CDH13: variants seen among roughly 807,000 people sequenced by gnomAD.
CDH13 encodes the protein cadherin 13.
CDH13 carries 24 observed loss-of-function variants against 63.8 expected under a neutral mutation model. The ratio of observed to expected loss-of-function variants is 0.38; its 90% confidence interval spans 0.27 to 0.53. The LOEUF is 0.53. CDH13 is among the 20% of genes least tolerant of loss of function. The pLI is 0.85. For missense variants in CDH13, 1,049 were observed against 903.1 expected (o/e 1.16, Z -2.07); for synonymous variants, 503 against 355.3 (o/e 1.42, Z -4.67).
intron 5 of CDH13, among the ~76,000 whole-genome samples, chr16:83,287,476 G>A (rs2089347935): frequency 6.6e-6 from 1 of 152,112 alleles, no homozygotes; most frequent in Non-Finnish European, 1.5e-5. Context: ...GTCAGATCAG[G>A]GGCAGCATTA....
At chr16:83,216,777 A>G (rs961997047) in intron 4 of CDH13, among the ~76,000 whole-genome samples, 1 of 150,002 alleles carries the variant, frequency 6.7e-6, no homozygotes, top group African/African-American at 2.4e-5. Context: ...TACATATTAT[A>G]TATATAAGCC....
At chr16:82,856,999 A>C (rs2039729433) in intron 1 of CDH13, among the ~76,000 whole-genome samples, 1 of 152,192 alleles carries the variant, frequency 6.6e-6, no homozygotes, top group South Asian at 2.1e-4. Flanking sequence ...CTCTTCTGGC[A>C]CTATGCTCAG....
intron 1 of CDH13, among the ~76,000 whole-genome samples, chr16:82,791,389 A>G (rs1209516015): frequency 1.3e-5 from 2 of 152,228 alleles, no homozygotes. Context: ...AGCAGGAGGT[A>G]AAGAAGTAGT....
At chr16:83,215,983 GA>G (rs1192443193) in intron 4 of CDH13, among the ~76,000 whole-genome samples, 2 of 149,404 alleles carry the variant, frequency 1.3e-5, no homozygotes, top group Non-Finnish European at 3.0e-5. Flanking sequence ...TACATAAAAA[GA>G]CCACCCCCCA....
At chr16:83,368,887 TATATATATATATATATATATATATATATA>T (rs2091306352) in intron 6 of CDH13, among the ~76,000 whole-genome samples, 533 of 37,992 alleles carry the variant, frequency 0.014, 42 homozygotes, top group Middle Eastern at 0.045. Flanking sequence ...TTCCATGTTA[TATATATATATATATATATATATATATATA>T]TATATATATA....
intron 6 of CDH13, among the ~76,000 whole-genome samples, chr16:83,405,626 C>T (rs1449054860): frequency 6.6e-6 from 1 of 152,212 alleles, no homozygotes; most frequent in African/African-American, 2.4e-5. Context: ...TTGTTTTAAG[C>T]CACCAAATCT....
At chr16:83,137,346 C>G (rs1037419255) in intron 4 of CDH13, among the ~76,000 whole-genome samples, 1 of 152,142 alleles carries the variant, frequency 6.6e-6, no homozygotes, top group Non-Finnish European at 1.5e-5. Flanking sequence ...AGCAATTGTC[C>G]CAGTTCTACC....
intron 2 of CDH13, among the ~76,000 whole-genome samples, chr16:82,894,984 C>T (rs1157113972): frequency 6.6e-6 from 1 of 152,088 alleles, no homozygotes; most frequent in Non-Finnish European, 1.5e-5. Flanking sequence ...TCTTGTGGGG[C>T]CTTTTATGCC....
At chr16:83,185,312 A>T (rs1030414849) in intron 4 of CDH13, among the ~76,000 whole-genome samples, 4 of 152,148 alleles carry the variant, frequency 2.6e-5, no homozygotes. Context: ...AACTCCAAAG[A>T]TTTTTGCTAT....
Position 83,057,111 on chromosome 16 carries a change from C to T in CDH13, c.366+24893C>T, listed in dbSNP as rs1419775045. ...CCTCCTAAGTAGCTGGGATTACAGG[C>T]ACGTGCCACCACACCCAGCTAATTT... On this transcript the variant is annotated intron_variant, in intron 3 of 13. Transcript: ENST00000567109. Among the ~76,000 whole-genome samples, 4 of 152,120 alleles carry T rather than the reference C, an allele frequency of 2.6e-5. No homozygotes were observed. In the South Asian group the frequency reaches 6.2e-4, roughly 24 times the overall value.
chr16:83,744,551 T>C (rs1041357031), intron 10 of CDH13, among the ~76,000 whole-genome samples: 1 of 152,210 alleles, frequency 6.6e-6, no homozygotes, highest in African/African-American at 2.4e-5. Context: ...AGTTGCAGCA[T>C]CAAAACATTG....
chr16:83,231,087 CGGAACAGGGAAGA>C (rs2039988672), intron 5 of CDH13, among the ~76,000 whole-genome samples: 1 of 152,030 alleles, frequency 6.6e-6, no homozygotes, highest in African/African-American at 2.4e-5. Flanking sequence ...GTGCTAGGAT[CGGAACAGGGAAGA>C]CACATGGAAA....
At chr16:83,693,848 G>A (rs1032052818) in intron 10 of CDH13, among the ~76,000 whole-genome samples, 2 of 152,214 alleles carry the variant, frequency 1.3e-5, no homozygotes, top group Admixed American at 6.5e-5. Flanking sequence ...GCTCTGCAAA[G>A]TACCTCACAC....
intron 2 of CDH13, among the ~76,000 whole-genome samples, chr16:82,898,636 C>T (rs185851309): frequency 2.7e-3 from 407 of 152,218 alleles, no homozygotes; most frequent in African/African-American, 7.1e-3. Context: ...TCACAGAGCC[C>T]GGAGCAAATG....
At chr16:83,624,754 G>C (rs1223280034) in intron 8 of CDH13, among the ~76,000 whole-genome samples, 1 of 152,150 alleles carries the variant, frequency 6.6e-6, no homozygotes, top group African/African-American at 2.4e-5. Flanking sequence ...GAGAAAATGA[G>C]GCCTGTGGTT....
At chr16:82,688,703 ATTC>A (rs1401895303) in intron 1 of CDH13, among the ~76,000 whole-genome samples, 2 of 152,268 alleles carry the variant, frequency 1.3e-5, no homozygotes, top group African/African-American at 2.4e-5. Flanking sequence ...GCATTCAATT[ATTC>A]TTACCTTCAT....
chr16:83,168,725 A>G (rs2037795157), intron 4 of CDH13, among the ~76,000 whole-genome samples: 1 of 152,126 alleles, frequency 6.6e-6, no homozygotes, highest in South Asian at 2.1e-4. Flanking sequence ...ATTCACATCT[A>G]TATCTATACT....
chr16:83,396,277 G>C (rs1312951176), intron 6 of CDH13, among the ~76,000 whole-genome samples: 5 of 152,074 alleles, frequency 3.3e-5, no homozygotes. Context: ...ATAAAATGGG[G>C]GTAATCCATT....
At chr16:83,062,557 T>G (rs1201879530) in intron 3 of CDH13, among the ~76,000 whole-genome samples, 1 of 152,200 alleles carries the variant, frequency 6.6e-6, no homozygotes, top group Non-Finnish European at 1.5e-5. Flanking sequence ...GAAGTTCAGT[T>G]TTCTTCTCTA....
Sources: allele counts gnomAD v4.1 joint callset (sites outside exome capture counted in the v4.1 genomes callset), GRCh38; gene constraint gnomAD v4.1.1; transcripts MANE v1.5; gene names NCBI Gene and HGNC (gene_info 2026-07-23, HGNC 2026-07-21).